The following SALL4 variants were observed in gnomAD, a reference collection of about 807,000 sequenced individuals.
The protein encoded by SALL4 is sal-like protein 4.
SALL4 carries 4 observed loss-of-function variants against 60.8 expected under a neutral mutation model. The ratio of observed to expected loss-of-function variants is 0.07; its 90% CI spans 0.03 to 0.15. The LOEUF (loss-of-function observed/expected upper bound fraction) is 0.15, where lower values mean the gene tolerates loss of function less well. SALL4 is among the 10% of genes least tolerant of loss of function. SALL4 has a pLI of 1.00. For missense variants in SALL4, 1,178 were observed against 1,394.7 expected, an observed-to-expected ratio of 0.84 and a Z score of 2.48; for synonymous variants, 580 against 574.9, an observed-to-expected ratio of 1.01 and a Z score of -0.13.
chr20:51,789,847 G>A (rs1247682268), intron 2 of SALL4, among the ~76,000 whole-genome samples, 175 bp downstream of exon 2: 1 of 152,146 alleles, frequency 6.6e-6, no homozygotes, highest in African/African-American at 2.4e-5. Flanking sequence ...AAGCATGTTC[G>A]TTACTAGGAT....
At chr20:51,796,610 C>T (rs979308058) in intron 1 of SALL4, among the ~76,000 whole-genome samples, 1 of 152,138 alleles carries the variant, frequency 6.6e-6, no homozygotes, top group Non-Finnish European at 1.5e-5. Context: ...CAAACAAGCT[C>T]CTTTGTTTCC....
chr20:51,787,730 C>T (rs1050480043), intron 3 of SALL4, among the ~76,000 whole-genome samples: 11 of 151,992 alleles, frequency 7.2e-5, no homozygotes, highest in African/African-American at 2.7e-4. Flanking sequence ...TGGTCTTCAA[C>T]TCCTGGGGTC....
At position 51,790,350 on chromosome 20, in the gene SALL4, A is replaced by T. The variant is rs759325857; in HGVS notation, c.2133T>A (p.Pro711=). 6.2e-7 allele frequency: 1 copy of T among 1,614,116 alleles called. No individual in the cohort carries two copies. Residue 711 remains proline (P), a synonymous_variant, in exon 2 of 4, where the codon CCT becomes CCA. Coordinates refer to ENST00000217086, the MANE Select transcript of SALL4 (RefSeq NM_020436.5). This position sits in a 1 kb window ranked among gnomAD's most constrained non-coding sequence, Gnocchi z 5.5. ...GTGATGCCGAGTGGATGCTGGGAAG[A>T]GGCGTGGGGACCTTGGAGGAGCTGC... ...APSSSSKVPT[P]LPSIHSASPT... is the part of the protein sequence containing the mutation.
In SALL4 at chr20:51,796,330, G is replaced by T. The variant is rs115970365; in HGVS notation, c.131-3978C>A. On this transcript the variant is annotated intron_variant, in intron 1 of 3. Transcript: ENST00000217086. ...AGCTAACCACCACCAACCTCTCCAA[G>T]CAAGAACAAAAACATACTTCATACT... Among the ~76,000 whole-genome samples, 951 of 151,576 alleles carry T rather than the reference G, an allele frequency of 6.3e-3. 12 individuals carry two copies. Among genetic ancestry groups the T allele is most frequent in the African/African-American group, 0.022 (903 of 41,346 alleles).
chr20:51,795,173 C>T (rs1178285474), intron 1 of SALL4, among the ~76,000 whole-genome samples: 1 of 152,128 alleles, frequency 6.6e-6, no homozygotes, highest in South Asian at 2.1e-4. Context: ...AATGTTCGGC[C>T]GGGCACGGTG....
intron 2 of SALL4, 89 bp downstream of exon 2, chr20:51,789,933 A>T: frequency 6.5e-7 from 1 of 1,540,622 alleles, no homozygotes. Flanking sequence ...GCTTCAAGTC[A>T]TACTCTCCGT....
At chr20:51,799,176 T>C (rs1420156322) in intron 1 of SALL4, among the ~76,000 whole-genome samples, 1 of 152,156 alleles carries the variant, frequency 6.6e-6, no homozygotes, top group Non-Finnish European at 1.5e-5. Context: ...TGAACAAAAT[T>C]AAGACTGATC....
chr20:51,782,593 G>C lies in SALL4; in HGVS notation c.*1672C>G, dbSNP rs1421587209. 7.0e-6 allele frequency: 1 copy of C among 141,912 alleles called. No individual in the cohort carries two copies. Among genetic ancestry groups the C allele is most frequent in the East Asian group, 2.0e-4 (1 of 4,892 alleles). 8.8% of individuals were successfully genotyped at this position (141,912 alleles called of 1,614,324 possible). A position where few individuals can be genotyped will look rare whatever the true frequency, so the allele number is the denominator to read the frequency against. ...AAAAAAAGGGGGGCGGAATCCTAAAGTCAGGTGCAACGATGAAGAGACAAC... is the reference window on the plus strand; with the variant it reads ...AAAAAAAGGGGGGCGGAATCCTAAACTCAGGTGCAACGATGAAGAGACAAC... On this transcript the variant is annotated 3_prime_UTR_variant, in exon 4 of 4. Coordinates refer to ENST00000217086, the MANE Select transcript of SALL4 (RefSeq NM_020436.5).
chr20:51,799,020 T>G (rs1240632283), intron 1 of SALL4, among the ~76,000 whole-genome samples: 1 of 152,146 alleles, frequency 6.6e-6, no homozygotes, highest in South Asian at 2.1e-4. Flanking sequence ...CTTTTGGTCT[T>G]TAATATCTTG....
Position 51,784,690 on chromosome 20 carries a change from G to A in SALL4, c.2743-6C>T. ...CCGTGTGTCATGTAGTGAACCTATG[G>A]GAACAGGACAGAAAGGTTTTTACCA... On this transcript the variant is annotated splice_polypyrimidine_tract_variant and splice_region_variant and intron_variant, in intron 3 of 3. Coordinates refer to ENST00000217086, the MANE Select transcript of SALL4 (RefSeq NM_020436.5). 1.9e-6 allele frequency: 3 copies of A among 1,614,124 alleles called. No individual in the cohort carries two copies. The highest frequency in any genetic ancestry group is 1.7e-6 in the Non-Finnish European group (2 of 1,180,018).
chr20:51,784,751 T>G lies in SALL4; in HGVS notation c.2743-67A>C, dbSNP rs549803183. On this transcript the variant is annotated intron_variant, in intron 3 of 3. Coordinates refer to ENST00000217086, the MANE Select transcript of SALL4 (RefSeq NM_020436.5). ...TTGAAGCTCACTGGCAAGCCAAGAA[T>G]CAATCTGCATATGGATTTCATTCTA... 255 of 1,548,278 alleles carry G rather than the reference T, an allele frequency of 1.6e-4. 4 individuals are homozygous for G. In the South Asian group the frequency reaches 2.1e-3, roughly 13 times the overall value.
rs1181047560 is a variant in SALL4, at chr20:51,789,101, C to T, written c.2502G>A (p.Pro834=). 6.8e-6 allele frequency: 11 copies of T among 1,614,018 alleles called. No individual in the cohort carries two copies. The highest frequency in any genetic ancestry group is 1.6e-4 in the Middle Eastern group (1 of 6,084). The change falls in exon 3 of 4, where the codon CCG becomes CCA. Residue 834 remains proline, a synonymous_variant. Transcript: ENST00000217086. ...SLPSTFIRAP[P]TYVKVEVPGT... ...CAGGAACTTCAACCTTGACATAGGT[C>T]GGCGGGGCTCGGATAAACGTGGAAG...
At chr20:51,793,253 C>A (rs1485953889) in intron 1 of SALL4, among the ~76,000 whole-genome samples, 1 of 152,078 alleles carries the variant, frequency 6.6e-6, no homozygotes, top group Non-Finnish European at 1.5e-5. Flanking sequence ...CATCCCAGCA[C>A]TTTGAGGCCA....
chr20:51,784,537 C>A lies in SALL4; in HGVS notation c.2890G>T (p.Val964Leu). 1 of 1,614,186 alleles carries A rather than the reference C, an allele frequency of 6.2e-7. No individual in the cohort carries two copies. Among genetic ancestry groups the A allele is most frequent in the Non-Finnish European group, 8.5e-7 (1 of 1,180,032 alleles). Reference sequence around the variant, plus strand: ...TACTGGTTCCACACAACAGGGTCCACATTCACTGAAGGGGCCAGGATTTCC... The same window carrying A: ...TACTGGTTCCACACAACAGGGTCCAAATTCACTGAAGGGGCCAGGATTTCC... The part of the protein sequence containing the change: ...PKEILAPSVN[V>L]DPVVWNQYTS... Residue 964 changes from valine (V) to leucine (L), a missense_variant, in exon 4 of 4, where the codon GTG becomes TTG. By Grantham distance (32) the Val-to-Leu change is conservative. Around this residue, in one of 5 missense-constraint regions of SALL4, gnomAD observed 174 missense variants for 169.6 expected, o/e 1.03. Coordinates refer to ENST00000217086, the MANE Select transcript of SALL4 (RefSeq NM_020436.5).
At chr20:51,794,381 C>T (rs1422768751) in intron 1 of SALL4, among the ~76,000 whole-genome samples, 1 of 152,144 alleles carries the variant, frequency 6.6e-6, no homozygotes, top group Non-Finnish European at 1.5e-5. Flanking sequence ...TGGTGAAACT[C>T]CATCTCTACT....
chr20:51,791,391 C>T lies in SALL4; in HGVS notation c.1092G>A (p.Pro364=), dbSNP rs373365568. 9.3e-6 allele frequency: 15 copies of T among 1,614,178 alleles called. No individual in the cohort carries two copies. The highest frequency in any genetic ancestry group is 2.2e-5 in the East Asian group (1 of 44,878). Residue 364 remains proline (P), a synonymous_variant, in exon 2 of 4, where the codon CCG becomes CCA. Coordinates refer to ENST00000217086, the MANE Select transcript of SALL4 (RefSeq NM_020436.5). This position sits in a 1 kb window ranked among gnomAD's most constrained non-coding sequence, Gnocchi z 4.6. ...DTSKKGKGKP[P]NISAVDVKPK... is the part of the protein sequence containing the mutation. ...GTTTGACATCCACCGCGGAGATGTTCGGTGGCTTCCCCTTCCCTTTCTTGG... is the reference window on the plus strand; with the variant it reads ...GTTTGACATCCACCGCGGAGATGTTTGGTGGCTTCCCCTTCCCTTTCTTGG...
intron 1 of SALL4, among the ~76,000 whole-genome samples, chr20:51,793,836 G>C (rs997803020): frequency 6.6e-6 from 1 of 152,186 alleles, no homozygotes; most frequent in African/African-American, 2.4e-5. Flanking sequence ...TTTCAGACTG[G>C]GTCACAATAT....
chr20:51,800,135 C>T (rs2078100850), intron 1 of SALL4, among the ~76,000 whole-genome samples: 1 of 152,130 alleles, frequency 6.6e-6, no homozygotes, highest in Non-Finnish European at 1.5e-5. Context: ...ACCAAGAATT[C>T]CACACTTGGC....
intron 3 of SALL4, among the ~76,000 whole-genome samples, chr20:51,786,394 G>A (rs930862335): frequency 1.3e-5 from 2 of 151,270 alleles, no homozygotes; most frequent in East Asian, 3.9e-4. Context: ...GCACCTGGCC[G>A]GCTAATTTAT....
Sources: gnomAD v4.1 joint callset for allele counts (sites outside exome capture counted in the v4.1 genomes callset) on GRCh38, gnomAD v4.1.1 for gene constraint, gnomAD v4.1.1 regional missense constraint, Gnocchi (gnomAD v3.1) non-coding constraint, MANE v1.5 for transcripts, NCBI Gene and HGNC (gene_info 2026-07-23, HGNC 2026-07-21) for gene names.